Variants in DACH1 observed in about 807,000 individuals in gnomAD.
DACH1 encodes the protein dachshund homolog 1.
Under a neutral mutation model 54.2 loss-of-function variants are expected in DACH1, and 12 were observed. The ratio of observed to expected loss-of-function variants is 0.22; its 90% CI spans 0.14 to 0.36. The LOEUF (loss-of-function observed/expected upper bound fraction) is 0.36. Among genes scored for constraint, DACH1 ranks in the 10% least tolerant of loss-of-function variants. The pLI, the probability that DACH1 is intolerant of heterozygous loss-of-function variation, is 1.00. For synonymous variants in DACH1, 386 were observed against 366.2 expected (o/e 1.05, Z -0.62); for missense variants, 805 against 929.8 (o/e 0.87, Z 1.75).
Position 71,552,252 on chromosome 13 carries a change from A to G in DACH1, c.1570+4772T>C, listed in dbSNP as rs112902302. Reference sequence around the variant, plus strand: ...CATATCTAGCTTTCAGTAAATATTTACTCATTGATTACATCACATTGGACT... The same window carrying G: ...CATATCTAGCTTTCAGTAAATATTTGCTCATTGATTACATCACATTGGACT... On this transcript the variant is annotated intron_variant, in intron 6 of 10. Transcript: ENST00000613252. 9.5e-3 allele frequency among the ~76,000 whole-genome samples: 1,441 copies of G among 152,232 alleles called. 21 individuals are homozygous for G. The highest frequency in any genetic ancestry group is 0.033 in the African/African-American group (1,356 of 41,546).
At position 71,820,077 on chromosome 13, in the gene DACH1, G is replaced by A. The variant is rs188429191; in HGVS notation, c.848+45845C>T. 1.7e-4 allele frequency among the ~76,000 whole-genome samples: 20 copies of A among 118,240 alleles called. No individual in the cohort carries two copies. The East Asian group carries it at 4.4e-3, about 26-fold the overall frequency. 77.6% of individuals were successfully genotyped at this position (118,240 alleles called of 152,430 possible). On this transcript the variant is annotated intron_variant, in intron 1 of 10. Coordinates refer to ENST00000613252, the MANE Select transcript of DACH1 (RefSeq NM_080759.6). ...AGCCCAGGAGTTTGAGACCAGCTTC[G>A]GCAACATAGGGAGATCCTGCCTCTA...
chr13:71,746,550 G>T (rs1310608183), intron 1 of DACH1, among the ~76,000 whole-genome samples: 1 of 152,146 alleles, frequency 6.6e-6, no homozygotes, highest in African/African-American at 2.4e-5. Flanking sequence ...CTAAAGTCCT[G>T]TTTGGAATCC....
chr13:71,693,395 T>C (rs1019736215), intron 1 of DACH1, among the ~76,000 whole-genome samples: 5 of 142,630 alleles, frequency 3.5e-5, no homozygotes, highest in African/African-American at 1.3e-4. Flanking sequence ...CTCCGCCTCC[T>C]GGGTTCACGC....
rs188372319 is a variant in DACH1, at chr13:71,569,449, T to A, written c.1299+3391A>T. On this transcript the variant is annotated intron_variant, in intron 4 of 10. Transcript: ENST00000613252. ...CATTTTGAATTTCATATAATTCTCA[T>A]GTGTCATGAAATATTTTTCTTTTTA... Among the ~76,000 whole-genome samples, 87 of 152,296 alleles carry A rather than the reference T, an allele frequency of 5.7e-4. 2 individuals carry two copies. In the East Asian group the frequency reaches 0.014, roughly 24 times the overall value.
At chr13:71,546,509 T>C (rs570895833) in intron 6 of DACH1, among the ~76,000 whole-genome samples, 1 of 151,952 alleles carries the variant, frequency 6.6e-6, no homozygotes, top group African/African-American at 2.4e-5. Context: ...TTGCTTGGAG[T>C]AGAAGCAAAA....
intron 6 of DACH1, among the ~76,000 whole-genome samples, chr13:71,550,578 T>A (rs918225232): frequency 1.6e-4 from 25 of 152,172 alleles, no homozygotes; most frequent in Non-Finnish European, 7.3e-5. Context: ...TACAGGGCTG[T>A]TATGAATATC....
At chr13:71,813,693 C>A (rs562413681) in intron 1 of DACH1, among the ~76,000 whole-genome samples, 1 of 151,886 alleles carries the variant, frequency 6.6e-6, no homozygotes, top group Non-Finnish European at 1.5e-5. Flanking sequence ...TTCACCTAGG[C>A]GAATATATAC....
At chr13:71,709,142 C>T (rs539103437) in intron 1 of DACH1, among the ~76,000 whole-genome samples, 1 of 152,034 alleles carries the variant, frequency 6.6e-6, no homozygotes, top group Non-Finnish European at 1.5e-5. Flanking sequence ...CGTGAGCCAC[C>T]GTGCCTGGCC....
intron 2 of DACH1, among the ~76,000 whole-genome samples, chr13:71,667,924 T>G (rs1276456718): frequency 6.6e-6 from 1 of 151,978 alleles, no homozygotes; most frequent in African/African-American, 2.4e-5. Context: ...CTTAAACATT[T>G]CTCCATAATT....
chr13:71,767,929 A>T (rs1396718006), intron 1 of DACH1, among the ~76,000 whole-genome samples: 1 of 152,012 alleles, frequency 6.6e-6, no homozygotes, highest in Non-Finnish European at 1.5e-5. Flanking sequence ...GCAATGAAGC[A>T]ATATTTTAAA....
At chr13:71,526,529 A>C (rs1881968621) in intron 6 of DACH1, among the ~76,000 whole-genome samples, 1 of 152,012 alleles carries the variant, frequency 6.6e-6, no homozygotes, top group African/African-American at 2.4e-5. Flanking sequence ...GAAAAATAAT[A>C]ATAGTGCCTA....
chr13:71,703,575 T>C (rs1882273257), intron 1 of DACH1, among the ~76,000 whole-genome samples: 2 of 152,366 alleles, frequency 1.3e-5, no homozygotes, highest in South Asian at 4.1e-4. Flanking sequence ...AACATAATTA[T>C]TTTTTGTGAT....
At chr13:71,779,069 G>T (rs1249253882) in intron 1 of DACH1, among the ~76,000 whole-genome samples, 1 of 149,894 alleles carries the variant, frequency 6.7e-6, no homozygotes, top group East Asian at 2.0e-4. Flanking sequence ...ATAGTGAAAA[G>T]ATGAGAATTT....
At chr13:71,692,821 C>T (rs912317039) in intron 1 of DACH1, among the ~76,000 whole-genome samples, 2 of 151,790 alleles carry the variant, frequency 1.3e-5, no homozygotes, top group East Asian at 1.9e-4. Context: ...ACACCCAGCC[C>T]GTTCACCTAT....
At chr13:71,712,902 T>G (rs1594126594) in intron 1 of DACH1, among the ~76,000 whole-genome samples, 1 of 152,082 alleles carries the variant, frequency 6.6e-6, no homozygotes, top group African/African-American at 2.4e-5. Context: ...ACTCTAGCAG[T>G]CACTGAATAT....
intron 10 of DACH1, among the ~76,000 whole-genome samples, chr13:71,444,118 C>A (rs542146851): frequency 3.3e-5 from 5 of 152,090 alleles, no homozygotes; most frequent in Non-Finnish European, 7.4e-5. Flanking sequence ...TAAAAATAAA[C>A]AGAACAAAAA....
chr13:71,494,856 T>C (rs2138216657), intron 6 of DACH1, among the ~76,000 whole-genome samples: 1 of 152,206 alleles, frequency 6.6e-6, no homozygotes, highest in South Asian at 2.1e-4. Flanking sequence ...TAACTGACTA[T>C]CAGTAAGATT....
At chr13:71,824,370 G>A (rs1030142695) in intron 1 of DACH1, among the ~76,000 whole-genome samples, 2 of 151,934 alleles carry the variant, frequency 1.3e-5, no homozygotes, top group African/African-American at 4.8e-5. Flanking sequence ...CTGAAATTAA[G>A]GAAGAGATGG....
intron 1 of DACH1, among the ~76,000 whole-genome samples, chr13:71,691,604 A>G (rs2138724150): frequency 6.6e-6 from 1 of 151,650 alleles, no homozygotes; most frequent in East Asian, 1.9e-4. Flanking sequence ...CACACATATT[A>G]AAAGTAATAG....
Sources: gnomAD v4.1 joint callset for allele counts (sites outside exome capture counted in the v4.1 genomes callset) on GRCh38, gnomAD v4.1.1 for gene constraint, MANE v1.5 for transcripts, NCBI Gene and HGNC (gene_info 2026-07-23, HGNC 2026-07-21) for gene names.